The following CYLD variants were observed in gnomAD, a reference collection of about 807,000 sequenced individuals.
CYLD encodes the protein ubiquitin carboxyl-terminal hydrolase CYLD.
CYLD carries 26 observed loss-of-function variants against 104.5 expected under a neutral mutation model. The observed-to-expected ratio is 0.25, with a 90% CI of 0.18 to 0.35. The LOEUF is 0.35. Among genes scored for constraint, CYLD ranks in the 10% least tolerant of loss-of-function variants. CYLD has a pLI of 1.00. For synonymous variants in CYLD, 385 were observed against 399.9 expected, an observed-to-expected ratio of 0.96 and a Z score of 0.45; for missense variants, 703 against 1,136.1, an observed-to-expected ratio of 0.62 and a Z score of 5.48.
At position 50,751,762 on chromosome 16, in the gene CYLD, C is replaced by A. The variant is rs1966640870; in HGVS notation, c.663C>A (p.Asp221Glu). 1 of 1,613,600 alleles carries A rather than the reference C, an allele frequency of 6.2e-7. No individual in the cohort carries two copies. Among genetic ancestry groups the A allele is most frequent in the East Asian group, 2.2e-5 (1 of 44,870 alleles). ...ALESDYAGPG[D>E]TMQVELPPLE... Reference sequence around the variant, plus strand: ...AAAGTGATTACGCAGGTCCTGGGGACACAATGCAGGTCGAACTTCCTCCTT... The same window carrying A: ...AAAGTGATTACGCAGGTCCTGGGGAAACAATGCAGGTCGAACTTCCTCCTT... The change falls in exon 4 of 19, where the codon GAC becomes GAA. Residue 221 changes from aspartate (D) to glutamate (E), a missense_variant. Asp to Glu is a conservative substitution (Grantham distance 45). This residue lies in a region of CYLD where 123 missense variants were observed against 213.3 expected (regional missense o/e 0.58). Transcript: ENST00000427738.
chr16:50,746,342 A>G (rs1006547203), intron 2 of CYLD, among the ~76,000 whole-genome samples: 6 of 152,198 alleles, frequency 3.9e-5, no homozygotes, highest in African/African-American at 1.4e-4. Context: ...CTGGCCGAGA[A>G]TATTAGTGAT....
rs772206198 is a variant in CYLD, at chr16:50,779,777, C to G, written c.1251C>G (p.His417Gln). Residue 417 changes from histidine (H) to glutamine (Q), a missense_variant, in exon 9 of 19, where the codon CAC (histidine) becomes CAG (glutamine). Coordinates refer to ENST00000427738, the MANE Select transcript of CYLD (RefSeq NM_001378743.1). The stretch of plus-strand genomic sequence containing the variant: ...CACTGACCACCGAGAACAGATTCCA[C>G]TCTTTACCATTCAGTCTCACCAAGA... ...VNSLTTENRF[H>Q]SLPFSLTKMP... 5.6e-6 allele frequency: 9 copies of G among 1,613,862 alleles called. No individual in the cohort carries two copies. The South Asian group carries it at 9.9e-5, about 18-fold the overall frequency.
chr16:50,795,490 A>G, intron 18 of CYLD: 1 of 701,598 alleles, frequency 1.4e-6, no homozygotes, highest in Non-Finnish European at 2.6e-6. Context: ...AGGCCTGGGC[A>G]AGGTTGTGAG....
chr16:50,782,836 C>T (rs566958844), intron 11 of CYLD, among the ~76,000 whole-genome samples: 6 of 150,978 alleles, frequency 4.0e-5, no homozygotes, highest in African/African-American at 1.2e-4. Flanking sequence ...CATAAAACTA[C>T]TGTCTTTAAA....
At chr16:50,770,924 A>G (rs745400374) in intron 5 of CYLD, among the ~76,000 whole-genome samples, 2 of 152,094 alleles carry the variant, frequency 1.3e-5, no homozygotes, top group African/African-American at 2.4e-5. Flanking sequence ...TTGTCTTTTC[A>G]TCCTCTTAAT....
At chr16:50,764,819 A>G (rs1477508256) in intron 5 of CYLD, among the ~76,000 whole-genome samples, 4 of 152,076 alleles carry the variant, frequency 2.6e-5, no homozygotes, top group South Asian at 2.1e-4. Flanking sequence ...TAAACTTCCT[A>G]CAGTGCACAG....
At chr16:50,767,676 G>C (rs1309836667) in intron 5 of CYLD, among the ~76,000 whole-genome samples, 1 of 152,120 alleles carries the variant, frequency 6.6e-6, no homozygotes, top group Non-Finnish European at 1.5e-5. Context: ...ATTTAAGATT[G>C]AGATACCTGA....
At chr16:50,777,757 C>T (rs1258539201) in intron 7 of CYLD, 68 bp from the exon 8 acceptor site, 1 of 803,852 alleles carries the variant, frequency 1.2e-6, no homozygotes, top group Non-Finnish European at 2.2e-6. Context: ...AATAATTTCT[C>T]TTACTAAAAA....
At chr16:50,793,919 CA>C (rs1971694530) in intron 17 of CYLD, among the ~76,000 whole-genome samples, 1 of 127,880 alleles carries the variant, frequency 7.8e-6, no homozygotes, top group South Asian at 2.3e-4. Flanking sequence ...TCATTAATGA[CA>C]TTTTTTTTTT....
At chr16:50,764,000 A>G (rs557295506) in intron 5 of CYLD, among the ~76,000 whole-genome samples, 12 of 152,008 alleles carry the variant, frequency 7.9e-5, no homozygotes, top group African/African-American at 2.4e-4. Context: ...AGATAATCCT[A>G]TTTTCTTTTA....
At chr16:50,775,143 A>G in intron 5 of CYLD, 23 bp from the exon 6 acceptor site, 12 of 1,593,634 alleles carry the variant, frequency 7.5e-6, no homozygotes, top group Non-Finnish European at 1.0e-5. Flanking sequence ...ACTGTGGGTG[A>G]TATCGTTTTT....
chr16:50,756,947 A>G (rs1233067164), intron 5 of CYLD, among the ~76,000 whole-genome samples: 3 of 152,086 alleles, frequency 2.0e-5, no homozygotes, highest in Admixed American at 1.3e-4. Context: ...TCCTATCTGT[A>G]TATTTAGGAT....
chr16:50,766,681 G>A (rs1359272262), intron 5 of CYLD, among the ~76,000 whole-genome samples: 3 of 152,158 alleles, frequency 2.0e-5, no homozygotes, highest in African/African-American at 7.2e-5. Context: ...AACATTAACA[G>A]GAGTTTGGGA....
chr16:50,799,549 T>A lies in CYLD; in HGVS notation c.*3041T>A. 4.3e-6 allele frequency: 1 copy of A among 233,774 alleles called. No homozygotes were observed. Among genetic ancestry groups the A allele is most frequent in the Non-Finnish European group, 8.5e-6 (1 of 118,020 alleles). The allele number at this position is 233,774 out of a possible 1,614,324, so 14.5% of individuals were successfully genotyped here. A position where few individuals can be genotyped will look rare whatever the true frequency, so the allele number is the denominator to read the frequency against. On this transcript the variant is annotated 3_prime_UTR_variant, in exon 19 of 19. Transcript: ENST00000427738. ...TCTCCTTAGAATAATTTAGGATTTT[T>A]AAAAATTTCTGTTTGCCAAATGCTG...
intron 5 of CYLD, among the ~76,000 whole-genome samples, chr16:50,774,756 T>C (rs1969494335): frequency 6.6e-6 from 1 of 152,346 alleles, no homozygotes; most frequent in East Asian, 1.9e-4. Flanking sequence ...GAATTGTCTG[T>C]TTCTGCAATT....
At chr16:50,775,657 T>C (rs1255509355) in intron 6 of CYLD, among the ~76,000 whole-genome samples, 1 of 152,230 alleles carries the variant, frequency 6.6e-6, no homozygotes, top group African/African-American at 2.4e-5. Context: ...CAAAAATTTT[T>C]ATCAATAAGT....
In CYLD at chr16:50,794,173, G is replaced by A. The variant is rs915588730; in HGVS notation, c.2470-39G>A. 3.8e-6 allele frequency: 6 copies of A among 1,571,482 alleles called. No homozygotes were observed. In the Admixed American group the frequency reaches 5.0e-5, roughly 13 times the overall value. On this transcript the variant is annotated intron_variant, in intron 17 of 18. Coordinates refer to ENST00000427738, the MANE Select transcript of CYLD (RefSeq NM_001378743.1). This position sits in a 1 kb window ranked among gnomAD's most constrained non-coding sequence, Gnocchi z 4.1. ...GAACTCCTGACCTCGTGATCCACCA[G>A]CCTCGGCCTAATGACATTCTTTTCA...
intron 5 of CYLD, among the ~76,000 whole-genome samples, chr16:50,771,028 C>CTTT (rs1969089286): frequency 1.3e-5 from 2 of 152,066 alleles, no homozygotes; most frequent in South Asian, 4.1e-4. Context: ...AGTTCGACAA[C>CTTT]TTTTGTTTAG....
In CYLD at chr16:50,751,669, T is replaced by A; in HGVS notation, c.570T>A (p.Asp190Glu). Reference sequence around the variant, plus strand: ...AAGGGAAACAGCTTTTTCAGTGTGATGAAGATTGTGGCGTGTTTGTTGCAT... The same window carrying A: ...AAGGGAAACAGCTTTTTCAGTGTGAAGAAGATTGTGGCGTGTTTGTTGCAT... ...VYQGKQLFQCDEDCGVFVALD... is the reference protein window; with the variant it reads ...VYQGKQLFQCEEDCGVFVALD... The change falls in exon 4 of 19, where the codon GAT becomes GAA. Residue 190 changes from aspartate to glutamate, a missense_variant. Physicochemically the swap from Asp to Glu is conservative, Grantham distance 45. This residue lies in a region of CYLD where 123 missense variants were observed against 213.3 expected (regional missense o/e 0.58). Coordinates refer to ENST00000427738, the MANE Select transcript of CYLD (RefSeq NM_001378743.1). 6.2e-7 allele frequency: 1 copy of A among 1,613,858 alleles called. No individual in the cohort carries two copies.
Sources: gnomAD v4.1 joint callset for allele counts (sites outside exome capture counted in the v4.1 genomes callset) on GRCh38, gnomAD v4.1.1 for gene constraint, gnomAD v4.1.1 regional missense constraint, Gnocchi (gnomAD v3.1) non-coding constraint, MANE v1.5 for transcripts, NCBI Gene and HGNC (gene_info 2026-07-23, HGNC 2026-07-21) for gene names.